The following RIMKLA variants were observed in gnomAD, a reference collection of about 807,000 sequenced individuals.
RIMKLA encodes N-acetylaspartylglutamate synthase A.
A neutral mutation model predicts 32.7 loss-of-function variants in RIMKLA; 14 were observed. The ratio of observed to expected loss-of-function variants is 0.43; its 90% CI spans 0.28 to 0.67. RIMKLA has a LOEUF of 0.67. Among genes scored for constraint, RIMKLA ranks in the 30% least tolerant of loss-of-function variants. The pLI, the probability that RIMKLA is intolerant of heterozygous loss-of-function variation, is 0.18. For synonymous variants in RIMKLA, 176 were observed against 204.1 expected (o/e 0.86, Z 1.18); for missense variants, 410 against 519.0 (o/e 0.79, Z 2.04).
chr1:42,396,054 A>C (rs12410572), intron 1 of RIMKLA, among the ~76,000 whole-genome samples: 20,929 of 151,662 alleles, frequency 0.14, 1,702 homozygotes, highest in East Asian at 0.22. Context: ...GGCCAACATG[A>C]TGAAACCCTC....
chr1:42,400,806 G>A (rs1004540462), intron 2 of RIMKLA, among the ~76,000 whole-genome samples: 2 of 152,170 alleles, frequency 1.3e-5, no homozygotes, highest in African/African-American at 4.8e-5. Context: ...TGCAGACTAG[G>A]GAAGTGGAGC....
rs1557762834 is a variant in RIMKLA, at chr1:42,423,763, C to A, written c.*8789C>A. Among the ~76,000 whole-genome samples the A allele has an allele frequency of 1.3e-5, 2 of 152,230 alleles. No homozygotes were observed. The highest frequency in any genetic ancestry group is 1.5e-5 in the Non-Finnish European group (1 of 68,054). ...ATGCTGCTGGCACCCACTTGTCTAT[C>A]ACGCTGGTATCCGCTGCTTTTCCTG... On this transcript the variant is annotated 3_prime_UTR_variant, in exon 5 of 5. Coordinates refer to ENST00000431473, the MANE Select transcript of RIMKLA (RefSeq NM_173642.4).
Position 42,417,429 on chromosome 1 carries a change from G to C in RIMKLA, c.*2455G>C, listed in dbSNP as rs1463853908. 1 of 152,228 alleles carries C rather than the reference G, an allele frequency of 6.6e-6. No individual in the cohort carries two copies. Among genetic ancestry groups the C allele is most frequent in the Non-Finnish European group, 1.5e-5 (1 of 68,062 alleles). 9.4% of individuals were successfully genotyped at this position (152,228 alleles called of 1,614,324 possible). ...GCTATACTTGTCACAGCTGGCCACA[G>C]GCCTGCTGAAGGAACATGGGGTGTA... On this transcript the variant is annotated 3_prime_UTR_variant, in exon 5 of 5. Coordinates refer to ENST00000431473, the MANE Select transcript of RIMKLA (RefSeq NM_173642.4).
intron 1 of RIMKLA, among the ~76,000 whole-genome samples, chr1:42,398,014 C>T (rs918946908): frequency 1.3e-5 from 2 of 152,182 alleles, no homozygotes; most frequent in Admixed American, 6.5e-5. Flanking sequence ...AGTAATGAGC[C>T]TTGGCCCTTA....
At chr1:42,411,472 C>CTT (rs5773773) in intron 4 of RIMKLA, among the ~76,000 whole-genome samples, 7 of 147,020 alleles carry the variant, frequency 4.8e-5, no homozygotes, top group African/African-American at 1.0e-4. Context: ...CTTTTCTTTT[C>CTT]TTTTTTTTGA....
At chr1:42,406,746 T>C (rs1643150473) in intron 3 of RIMKLA, among the ~76,000 whole-genome samples, 1 of 152,164 alleles carries the variant, frequency 6.6e-6, no homozygotes, top group Middle Eastern at 3.2e-3. Context: ...TGGTATCTCA[T>C]TGTGGTTTTG....
Sources: gnomAD v4.1 joint callset for allele counts (sites outside exome capture counted in the v4.1 genomes callset) on GRCh38, gnomAD v4.1.1 for gene constraint, MANE v1.5 for transcripts, NCBI Gene and HGNC (gene_info 2026-07-23, HGNC 2026-07-21) for gene names.